Variants in PTPRT observed in about 807,000 individuals in gnomAD.
PTPRT encodes receptor-type tyrosine-protein phosphatase T.
Under a neutral mutation model 176.8 loss-of-function variants are expected in PTPRT, and 56 were observed. The ratio of observed to expected loss-of-function variants is 0.32; its 90% CI spans 0.26 to 0.40. The LOEUF is 0.40. Among genes scored for constraint, PTPRT ranks in the 10% least tolerant of loss-of-function variants. The probability of loss-of-function intolerance (pLI) is 1.00; values close to 1 mark genes in which losing one functional copy is unlikely to be tolerated. For missense variants in PTPRT, 1,540 were observed against 1,908.2 expected (o/e 0.81, Z 3.60); for synonymous variants, 783 against 739.0 (o/e 1.06, Z -0.96).
intron 9 of PTPRT, among the ~76,000 whole-genome samples, chr20:42,377,398 G>A (rs1228700573): frequency 6.6e-6 from 1 of 152,176 alleles, no homozygotes; most frequent in African/African-American, 2.4e-5. Flanking sequence ...CATTGCCCCT[G>A]ATTGCACTCC....
At chr20:42,438,670 C>T (rs2059284802) in intron 9 of PTPRT, among the ~76,000 whole-genome samples, 1 of 152,128 alleles carries the variant, frequency 6.6e-6, no homozygotes, top group African/African-American at 2.4e-5. Flanking sequence ...CATACTTATT[C>T]ACATGTGCGC....
chr20:42,613,797 T>C (rs1001501424), intron 7 of PTPRT, among the ~76,000 whole-genome samples: 1 of 152,180 alleles, frequency 6.6e-6, no homozygotes, highest in Non-Finnish European at 1.5e-5. Context: ...TTCTGTTTTA[T>C]CTCCTTTCCT....
At position 42,074,058 on chromosome 20, in the gene PTPRT, A is replaced by G. The variant is rs1480107248; in HGVS notation, c.*6821T>C. ...AGCAAACTGTGCTTGACTTCATCCA[A>G]GAATCTGCAGAGCTATGGAAGATAT... On this transcript the variant is annotated 3_prime_UTR_variant, in exon 31 of 31. Transcript: ENST00000373187. 8.7e-6 allele frequency: 2 copies of G among 229,908 alleles called. No homozygotes were observed. The highest frequency in any genetic ancestry group is 1.7e-5 in the Non-Finnish European group (2 of 116,026). 14.2% of individuals were successfully genotyped at this position (229,908 alleles called of 1,614,324 possible). A position where few individuals can be genotyped will look rare whatever the true frequency, so the allele number is the denominator to read the frequency against.
chr20:42,230,820 C>T (rs1231506851), intron 15 of PTPRT, among the ~76,000 whole-genome samples: 13 of 152,154 alleles, frequency 8.5e-5, no homozygotes, highest in African/African-American at 2.9e-4. Context: ...TGTGCGTGTG[C>T]GTGTATACTG....
chr20:42,178,360 C>T (rs1328028551), intron 16 of PTPRT, among the ~76,000 whole-genome samples: 6 of 152,138 alleles, frequency 3.9e-5, no homozygotes, highest in African/African-American at 1.4e-4. Flanking sequence ...AATAGTTGCC[C>T]TTATGGGATG....
rs116881802 is a variant in PTPRT at position 42,104,121 on chromosome 20, C to T, written c.3540+448G>A. On this transcript the variant is annotated intron_variant, in intron 25 of 30. Transcript: ENST00000373187. The stretch of plus-strand genomic sequence containing the variant: ...ATTAGGAGGTTGGGACTTTGGAAGA[C>T]GTTTCGATCATGAGCATAGAACCCT... Among the ~76,000 whole-genome samples the T allele has an allele frequency of 4.2e-4, 64 of 152,280 alleles. No individual in the cohort carries two copies. The East Asian group carries it at 0.01, about 25-fold the overall frequency.
chr20:43,066,873 C>A (rs2011116976), intron 1 of PTPRT, among the ~76,000 whole-genome samples: 1 of 152,190 alleles, frequency 6.6e-6, no homozygotes, highest in South Asian at 2.1e-4. Flanking sequence ...CTCAGTTGTT[C>A]ACATATTTTC....
chr20:42,345,419 G>T (rs1183450608), intron 11 of PTPRT, among the ~76,000 whole-genome samples: 4 of 144,570 alleles, frequency 2.8e-5, no homozygotes, highest in African/African-American at 1.0e-4. Flanking sequence ...AGTTACTATA[G>T]ATATACATAT....
chr20:42,903,366 A>G (rs918517818), intron 1 of PTPRT, among the ~76,000 whole-genome samples: 4 of 152,248 alleles, frequency 2.6e-5, no homozygotes, highest in African/African-American at 9.6e-5. Context: ...AATGCTATGC[A>G]TGCAGAAGCC....
At chr20:42,477,852 G>T (rs1034579049) in intron 7 of PTPRT, among the ~76,000 whole-genome samples, 7 of 152,176 alleles carry the variant, frequency 4.6e-5, no homozygotes, top group African/African-American at 1.7e-4. Flanking sequence ...ATGCTCTTAG[G>T]CTAGACAACA....
intron 2 of PTPRT, among the ~76,000 whole-genome samples, chr20:42,841,610 TACACACACACACACACACAC>T (rs3973897): frequency 1.3e-4 from 18 of 141,018 alleles, no homozygotes; most frequent in African/African-American, 2.4e-4. Context: ...TAGTGTTAAA[TACACACACACACACACACAC>T]ACACACACAC....
At chr20:42,325,112 C>G (rs1179380928) in intron 11 of PTPRT, among the ~76,000 whole-genome samples, 1 of 152,076 alleles carries the variant, frequency 6.6e-6, no homozygotes, top group Non-Finnish European at 1.5e-5. Context: ...ATGAACTGTT[C>G]ACTATAATCC....
At chr20:42,778,911 C>A (rs1168497892) in intron 4 of PTPRT, among the ~76,000 whole-genome samples, 1 of 152,178 alleles carries the variant, frequency 6.6e-6, no homozygotes, top group Non-Finnish European at 1.5e-5. Flanking sequence ...CAGGAAGTAA[C>A]CCAGAGGGTA....
chr20:42,399,288 T>G (rs919403920), intron 9 of PTPRT, among the ~76,000 whole-genome samples: 22 of 152,234 alleles, frequency 1.4e-4, no homozygotes, highest in African/African-American at 5.3e-4. Context: ...TAACACTTTA[T>G]GCATTGTAAC....
At position 43,189,634 on chromosome 20, in the gene PTPRT, G is replaced by T; in HGVS notation, c.88+12C>A. The stretch of plus-strand genomic sequence containing the variant: ...AGCGGGGAGCCCAGGGGAGCCGGGC[G>T]GGCGCACTCACCTGCGGCGCTCTGA... On this transcript the variant is annotated intron_variant, in intron 1 of 30. Coordinates refer to ENST00000373187, the MANE Select transcript of PTPRT (RefSeq NM_007050.6). This position sits in a 1 kb window ranked among gnomAD's most constrained non-coding sequence, Gnocchi z 5.0. 8.0e-7 allele frequency: 1 copy of T among 1,250,700 alleles called. No individual in the cohort carries two copies. Among genetic ancestry groups the T allele is most frequent in the South Asian group, 2.9e-5 (1 of 34,230 alleles). The allele number at this position is 1,250,700 out of a possible 1,614,324, so 77.5% of individuals were successfully genotyped here.
intron 7 of PTPRT, among the ~76,000 whole-genome samples, chr20:42,571,947 C>A (rs2073162223): frequency 6.6e-6 from 1 of 152,324 alleles, no homozygotes; most frequent in South Asian, 2.1e-4. Flanking sequence ...GAGTTAGAGC[C>A]TGGTGCTCTC....
At chr20:42,552,349 A>G (rs1400327077) in intron 7 of PTPRT, among the ~76,000 whole-genome samples, 1 of 152,158 alleles carries the variant, frequency 6.6e-6, no homozygotes, top group Non-Finnish European at 1.5e-5. Context: ...AAACATAAAT[A>G]AAAATTCAGA....
intron 1 of PTPRT, among the ~76,000 whole-genome samples, chr20:42,900,587 A>T (rs991957784): frequency 2.0e-5 from 3 of 152,170 alleles, no homozygotes; most frequent in African/African-American, 7.2e-5. Context: ...CCCAGAGCCC[A>T]TATCACATAG....
chr20:42,210,290 C>T (rs1382990793), intron 15 of PTPRT, among the ~76,000 whole-genome samples: 1 of 152,138 alleles, frequency 6.6e-6, no homozygotes, highest in African/African-American at 2.4e-5. Flanking sequence ...GTTGGAAGTT[C>T]TGGCCAGGGC....
Sources: gnomAD v4.1 joint callset for allele counts (sites outside exome capture counted in the v4.1 genomes callset) on GRCh38, gnomAD v4.1.1 for gene constraint, Gnocchi (gnomAD v3.1) non-coding constraint, MANE v1.5 for transcripts, NCBI Gene and HGNC (gene_info 2026-07-23, HGNC 2026-07-21) for gene names.